Variants in CHEK2 observed in about 807,000 individuals in gnomAD.
The protein encoded by CHEK2 is serine/threonine-protein kinase Chk2.
Under a neutral mutation model 69.1 loss-of-function variants are expected in CHEK2, and 71 were observed. That is an observed-to-expected ratio of 1.03 (90% CI 0.85 to 1.25). The LOEUF (loss-of-function observed/expected upper bound fraction) is 1.25. CHEK2 is among the 50% of genes most tolerant of loss of function. The pLI is 0.00. For synonymous variants in CHEK2, 189 were observed against 226.9 expected, an observed-to-expected ratio of 0.83 and a Z score of 1.50; for missense variants, 664 against 649.6, an observed-to-expected ratio of 1.02 and a Z score of -0.24.
chr22:28,699,499 G>A (rs2052735968), intron 9 of CHEK2, among the ~76,000 whole-genome samples: 1 of 151,514 alleles, frequency 6.6e-6, no homozygotes, highest in African/African-American at 2.4e-5. Context: ...CGAGTAGCTG[G>A]GACTACAGGC....
chr22:28,723,026 A>G (rs1053519220), intron 4 of CHEK2, among the ~76,000 whole-genome samples: 2 of 152,228 alleles, frequency 1.3e-5, no homozygotes, highest in African/African-American at 4.8e-5. Context: ...TTCTTTAACT[A>G]AAGAAAAATT....
At chr22:28,727,183 A>G (rs937785892) in intron 2 of CHEK2, among the ~76,000 whole-genome samples, 1 of 152,072 alleles carries the variant, frequency 6.6e-6, no homozygotes, top group Non-Finnish European at 1.5e-5. Flanking sequence ...CTGGGACTAC[A>G]GGCACGTGCC....
At chr22:28,694,835 C>G (rs540347338) in intron 12 of CHEK2, among the ~76,000 whole-genome samples, 1 of 152,136 alleles carries the variant, frequency 6.6e-6, no homozygotes, top group African/African-American at 2.4e-5. Flanking sequence ...ATACTTAACC[C>G]TCACAAAAAC....
intron 7 of CHEK2, among the ~76,000 whole-genome samples, chr22:28,706,172 G>A (rs996444824): frequency 2.0e-5 from 3 of 151,718 alleles, no homozygotes; most frequent in South Asian, 2.1e-4. Context: ...GTGGTAGCAC[G>A]AACCTGTAGT....
intron 7 of CHEK2, among the ~76,000 whole-genome samples, chr22:28,705,422 T>C (rs773802312): frequency 2.0e-4 from 31 of 152,022 alleles, no homozygotes; most frequent in African/African-American, 6.0e-4. Flanking sequence ...GAAATACTCA[T>C]TGGAGCATTT....
intron 2 of CHEK2, among the ~76,000 whole-genome samples, chr22:28,733,552 A>T (rs1281749907): frequency 6.6e-6 from 1 of 152,198 alleles, no homozygotes; most frequent in Non-Finnish European, 1.5e-5. Flanking sequence ...GAGTGGCTCA[A>T]GCATTCTGCT....
chr22:28,729,168 TA>T (rs2054108679), intron 2 of CHEK2: 1 of 182,436 alleles, frequency 5.5e-6, no homozygotes, highest in Non-Finnish European at 1.2e-5. Context: ...CCCTTGTGAA[TA>T]TAGATATAAA....
At chr22:28,715,617 A>C (rs1258617217) in intron 5 of CHEK2, among the ~76,000 whole-genome samples, 1 of 151,814 alleles carries the variant, frequency 6.6e-6, no homozygotes, top group Admixed American at 6.6e-5. Flanking sequence ...ACAGGGTTTT[A>C]CTGTGTCAGC....
At chr22:28,708,911 C>T (rs2053273674) in intron 7 of CHEK2, 1 of 344,934 alleles carries the variant, frequency 2.9e-6, no homozygotes, top group Non-Finnish European at 5.7e-6. Flanking sequence ...CGAGATTGCG[C>T]CACTGTACTC....
In CHEK2 at chr22:28,703,556, A is replaced by G. The variant is rs1555917019; in HGVS notation, c.857T>C (p.Ile286Thr). ...TGCATCAAAAAAGTTTTTAATCTTG[A>G]TGATGCAAGGCTAAGAAGAGGGGGA... ...ILKKLNHPCI[I>T]KIKNFFDAED... Residue 286 changes from isoleucine to threonine, a missense_variant, in exon 8 of 15, where the codon ATC becomes ACC. Ile to Thr is a moderately conservative substitution (Grantham distance 89). Coordinates refer to ENST00000404276, the MANE Select transcript of CHEK2 (RefSeq NM_007194.4). 4 of 1,560,346 alleles carry G rather than the reference A, an allele frequency of 2.6e-6. No individual in the cohort carries two copies. Among genetic ancestry groups the G allele is most frequent in the Non-Finnish European group, 3.5e-6 (4 of 1,136,988 alleles).
At chr22:28,709,711 G>C (rs2053312986) in intron 7 of CHEK2, among the ~76,000 whole-genome samples, 1 of 152,078 alleles carries the variant, frequency 6.6e-6, no homozygotes, top group African/African-American at 2.4e-5. Flanking sequence ...CTGCCTCCCA[G>C]GTTCAAGCAC....
chr22:28,723,498 T>C (rs1437641147), intron 4 of CHEK2, among the ~76,000 whole-genome samples: 2 of 146,700 alleles, frequency 1.4e-5, no homozygotes. Flanking sequence ...CTGGGGAGGC[T>C]GAGGCAGGAG....
chr22:28,698,574 C>T lies in CHEK2; in HGVS notation c.1008+1264G>A, dbSNP rs17883460. ...AGATCAATCATAAAAAAATTTCTCT[C>T]GATCCTCACTCTGTACAAGGATTGC... is the stretch of plus-strand genomic sequence containing the variant. On this transcript the variant is annotated intron_variant, in intron 9 of 14. Coordinates refer to ENST00000404276, the MANE Select transcript of CHEK2 (RefSeq NM_007194.4). Among the ~76,000 whole-genome samples the T allele has an allele frequency of 5.9e-5, 9 of 152,210 alleles. No individual in the cohort carries two copies. In the South Asian group the frequency reaches 1.0e-3, roughly 18 times the overall value.
chr22:28,727,336 C>A (rs538318756), intron 2 of CHEK2, among the ~76,000 whole-genome samples: 1 of 152,262 alleles, frequency 6.6e-6, no homozygotes, highest in East Asian at 1.9e-4. Flanking sequence ...CCACCACACC[C>A]GGCCTCCCGC....
rs780920036 is a variant in CHEK2 at position 28,734,698 on chromosome 22, C to T, written c.24G>A (p.Glu8=). 6.2e-7 allele frequency: 1 copy of T among 1,613,480 alleles called. No homozygotes were observed. Among genetic ancestry groups the T allele is most frequent in the African/African-American group, 1.3e-5 (1 of 74,922 alleles). Residue 8 remains glutamate, a synonymous_variant, in exon 2 of 15, where the codon GAG becomes GAA. Coordinates refer to ENST00000404276, the MANE Select transcript of CHEK2 (RefSeq NM_007194.4). ...CACTGCTGCCATGAGACTGCTGAGC[C>T]TCAACATCCGACTCCCGAGACATCA... MSRESDV[E]AQQSHGSSAC...
intron 14 of CHEK2, among the ~76,000 whole-genome samples, chr22:28,688,566 G>A (rs1456082713): frequency 1.3e-5 from 2 of 152,144 alleles, no homozygotes; most frequent in Non-Finnish European, 2.9e-5. Context: ...ATACTCGGGA[G>A]ACTGAGGCAG....
chr22:28,716,340 G>A (rs2053587800), intron 5 of CHEK2, among the ~76,000 whole-genome samples: 1 of 151,880 alleles, frequency 6.6e-6, no homozygotes, highest in Non-Finnish European at 1.5e-5. Flanking sequence ...GGGATTACAG[G>A]CATGCGTCAC....
At position 28,695,124 on chromosome 22, in the gene CHEK2, T is replaced by C. The variant is rs876659868; in HGVS notation, c.1375+3A>G. The C allele has an allele frequency of 6.3e-7, 1 of 1,582,264 alleles. No homozygotes were observed. The highest frequency in any genetic ancestry group is 1.7e-5 in the Admixed American group (1 of 59,958). ...CAAATTCTTAACCCTTTCATATTCA[T>C]ACCTTTCTCTGAGACTTCTGCCCAG... On this transcript the variant is annotated splice_donor_region_variant and intron_variant, in intron 12 of 14. Coordinates refer to ENST00000404276, the MANE Select transcript of CHEK2 (RefSeq NM_007194.4).
Position 28,697,105 on chromosome 22 carries a change from C to T in CHEK2, c.1009-118G>A, listed in dbSNP as rs962169511. The T allele has an allele frequency of 5.7e-6, 4 of 706,850 alleles. No individual in the cohort carries two copies. The African/African-American group carries it at 7.0e-5, about 12-fold the overall frequency. The allele number at this position is 706,850 out of a possible 1,614,324, so 43.8% of individuals were successfully genotyped here. A position where few individuals can be genotyped will look rare whatever the true frequency, so the allele number is the denominator to read the frequency against. ...AAACCGTAAGCCGTGATACACACAA[C>T]CATATTCTCCAAAATCATAGAAAAC... On this transcript the variant is annotated intron_variant, in intron 9 of 14. Transcript: ENST00000404276.
Sources: allele counts gnomAD v4.1 joint callset (sites outside exome capture counted in the v4.1 genomes callset), GRCh38; gene constraint gnomAD v4.1.1; transcripts MANE v1.5; gene names NCBI Gene and HGNC (gene_info 2026-07-23, HGNC 2026-07-21).